PCDHGB1: variants seen among roughly 807,000 people sequenced by gnomAD.
PCDHGB1 encodes the protein protocadherin gamma subfamily B, 1, also known as protocadherin gamma-B1.
In PCDHGB1, 34 loss-of-function variants were observed where a neutral mutation model predicts 56.6. The observed-to-expected ratio is 0.60, with a 90% CI of 0.46 to 0.80. The LOEUF is 0.80. Ranked by LOEUF, PCDHGB1 falls within the 30% of genes least tolerant of loss-of-function variation. The pLI, the probability that PCDHGB1 is intolerant of heterozygous loss-of-function variation, is 0.00. For missense variants in PCDHGB1, 1,278 were observed against 1,204.6 expected (o/e 1.06, Z -0.90); for synonymous variants, 561 against 505.9 (o/e 1.11, Z -1.46).
intron 1 of PCDHGB1, chr5:141,419,893 TCCC>T (rs571839457): frequency 5.0e-5 from 81 of 1,613,960 alleles, no homozygotes; most frequent in Non-Finnish European, 6.5e-5. Context: ...TCAGCGACCA[TCCC>T]ACACCCTCTG....
chr5:141,371,771 G>T, intron 1 of PCDHGB1: 1 of 1,613,966 alleles, frequency 6.2e-7, no homozygotes, highest in Non-Finnish European at 8.5e-7. Flanking sequence ...CCTACACCGT[G>T]CATGTAGCTG....
intron 1 of PCDHGB1, chr5:141,389,559 C>T (rs1388057704): frequency 1.2e-6 from 2 of 1,613,274 alleles, no homozygotes; most frequent in East Asian, 2.2e-5. Flanking sequence ...CAATGCGCCA[C>T]GGGTGCTGTA....
intron 1 of PCDHGB1, chr5:141,394,693 G>C: frequency 1.2e-6 from 2 of 1,613,006 alleles, no homozygotes; most frequent in Non-Finnish European, 1.7e-6. Context: ...GGCGAGGTGC[G>C]CACGGCGCGA....
chr5:141,454,832 G>A (rs1311246854), intron 1 of PCDHGB1, among the ~76,000 whole-genome samples: 2 of 75,830 alleles, frequency 2.6e-5, no homozygotes, highest in African/African-American at 1.3e-4. Context: ...TTTTGAGACA[G>A]AGTCGCGCTC....
At chr5:141,427,770 C>T (rs775095791) in intron 1 of PCDHGB1, 2 of 1,399,194 alleles carry the variant, frequency 1.4e-6, no homozygotes, top group Non-Finnish European at 2.0e-6. Context: ...TGACTTGGAG[C>T]TGCGGGCACT....
rs777924092 is a variant in PCDHGB1 at position 141,487,482 on chromosome 5, A to T, written c.2410-7325A>T. The T allele has an allele frequency of 1.2e-6, 2 of 1,614,164 alleles. No individual in the cohort carries two copies. Among genetic ancestry groups the T allele is most frequent in the South Asian group, 2.2e-5 (2 of 91,086 alleles). ...TTTGTTGATGTGGGAGGCCACTCTCATGGCTGTACACCCTTGGCTTCTGCA... is the reference window on the plus strand; with the variant it reads ...TTTGTTGATGTGGGAGGCCACTCTCTTGGCTGTACACCCTTGGCTTCTGCA... On this transcript the variant is annotated intron_variant, in intron 1 of 3. Coordinates refer to ENST00000523390, the MANE Select transcript of PCDHGB1 (RefSeq NM_018922.3). The surrounding 1 kb of genome is among the most constrained non-coding windows in gnomAD (Gnocchi z 5.0).
rs57426385 is a variant in PCDHGB1 at position 141,415,740 on chromosome 5, G to GTTT, written c.2409+63101_2409+63103dup. ...TGAGTAGAATTTGATGTTTATTAAG[G>GTTT]TTTTTTTTTTTTTTTTTTTTTTTTT... On this transcript the variant is annotated intron_variant, in intron 1 of 3. Transcript: ENST00000523390. 6,178 of 620,014 alleles carry GTTT rather than the reference G, an allele frequency of 1.0e-2. 42 individuals are homozygous for GTTT. Among genetic ancestry groups the GTTT allele is most frequent in the South Asian group, 0.019 (660 of 34,340 alleles). The allele number at this position is 620,014 out of a possible 1,614,324, so 38.4% of individuals were successfully genotyped here. A position where few individuals can be genotyped will look rare whatever the true frequency, so the allele number is the denominator to read the frequency against.
At chr5:141,390,064 C>A in intron 1 of PCDHGB1, 3 of 1,614,058 alleles carry the variant, frequency 1.9e-6, no homozygotes, top group Middle Eastern at 3.3e-4. Context: ...TGCTTCCAGC[C>A]TGGTCTCTGT....
rs762414791 is a variant in PCDHGB1 at position 141,418,601 on chromosome 5, A to G, written c.2409+65932A>G. The G allele has an allele frequency of 3.5e-5, 57 of 1,613,930 alleles. No individual in the cohort carries two copies. The highest frequency in any genetic ancestry group is 1.7e-6 in the Non-Finnish European group (2 of 1,179,902). On this transcript the variant is annotated intron_variant, in intron 1 of 3. Coordinates refer to ENST00000523390, the MANE Select transcript of PCDHGB1 (RefSeq NM_018922.3). ...CCCAGTGTTCAGCCAGGACGTGTAC[A>G]GGGTTAGCCTTCGGGAAGACGTGCC...
chr5:141,468,348 A>C (rs962230735), intron 1 of PCDHGB1: 2 of 150,318 alleles, frequency 1.3e-5, no homozygotes, highest in African/African-American at 4.9e-5. Context: ...AAAAAAAAAA[A>C]AGAAAGAAAA....
At chr5:141,416,497 T>G (rs1426816820) in intron 1 of PCDHGB1, 3 of 152,116 alleles carry the variant, frequency 2.0e-5, no homozygotes, top group Non-Finnish European at 4.4e-5. Context: ...GAGCAAGAGA[T>G]ATATGACAAA....
At chr5:141,395,526 G>T in intron 1 of PCDHGB1, 4 of 357,898 alleles carry the variant, frequency 1.1e-5, no homozygotes, top group Admixed American at 4.6e-5. Context: ...GTCCATACTG[G>T]TAATTTTGCT....
intron 2 of PCDHGB1, among the ~76,000 whole-genome samples, chr5:141,499,112 A>G (rs550424495): frequency 6.6e-6 from 1 of 152,238 alleles, no homozygotes; most frequent in African/African-American, 2.4e-5. Context: ...CCCCACCACT[A>G]TCCCTTCTCA....
chr5:141,434,852 A>G (rs1382212982), intron 1 of PCDHGB1, among the ~76,000 whole-genome samples: 2 of 151,990 alleles, frequency 1.3e-5, no homozygotes, highest in Non-Finnish European at 2.9e-5. Context: ...AGACATCAAT[A>G]AATTTATATA....
chr5:141,432,991 C>G lies in PCDHGB1; in HGVS notation c.2410-61816C>G, dbSNP rs1269992849. ...CGGCGTCGCACTTTGTGGGCGTGGACGGGGTGCAGGCTTTCCTGCAGACCT... is the reference window on the plus strand; with the variant it reads ...CGGCGTCGCACTTTGTGGGCGTGGAGGGGGTGCAGGCTTTCCTGCAGACCT... On this transcript the variant is annotated intron_variant, in intron 1 of 3. Transcript: ENST00000523390. The surrounding 1 kb of genome is among the most constrained non-coding windows in gnomAD (Gnocchi z 6.0). The G allele has an allele frequency of 6.2e-7, 1 of 1,614,200 alleles. No homozygotes were observed. Among genetic ancestry groups the G allele is most frequent in the Admixed American group, 1.7e-5 (1 of 60,032 alleles).
At position 141,487,063 on chromosome 5, in the gene PCDHGB1, G is replaced by T; in HGVS notation, c.2410-7744G>T. The T allele has an allele frequency of 6.2e-7, 1 of 1,614,086 alleles. No homozygotes were observed. ...CTCGATATGCTGGGGAGGTGCGGACGGCTGTTCCTATCCCAGCTGACCTCC... is the reference window on the plus strand; with the variant it reads ...CTCGATATGCTGGGGAGGTGCGGACTGCTGTTCCTATCCCAGCTGACCTCC... On this transcript the variant is annotated intron_variant, in intron 1 of 3. Coordinates refer to ENST00000523390, the MANE Select transcript of PCDHGB1 (RefSeq NM_018922.3). The surrounding 1 kb of genome is among the most constrained non-coding windows in gnomAD (Gnocchi z 5.0).
intron 1 of PCDHGB1, among the ~76,000 whole-genome samples, chr5:141,456,843 A>G (rs2098891742): frequency 6.6e-6 from 1 of 152,030 alleles, no homozygotes. Context: ...GGCGCCTGTA[A>G]TCCCAGCTAA....
chr5:141,398,861 A>G, intron 1 of PCDHGB1: 1 of 1,613,990 alleles, frequency 6.2e-7, no homozygotes, highest in South Asian at 1.1e-5. Flanking sequence ...TTCAACCGAG[A>G]CGTGTACAGA....
chr5:141,491,802 G>C lies in PCDHGB1; in HGVS notation c.2410-3005G>C, dbSNP rs759587995. 1 of 1,497,480 alleles carries C rather than the reference G, an allele frequency of 6.7e-7. No homozygotes were observed. The highest frequency in any genetic ancestry group is 1.3e-5 in the South Asian group (1 of 74,938). The allele number at this position is 1,497,480 out of a possible 1,614,324, so 92.8% of individuals were successfully genotyped here. A position where few individuals can be genotyped will look rare whatever the true frequency, so the allele number is the denominator to read the frequency against. On this transcript the variant is annotated intron_variant, in intron 1 of 3. Coordinates refer to ENST00000523390, the MANE Select transcript of PCDHGB1 (RefSeq NM_018922.3). The surrounding 1 kb of genome is among the most constrained non-coding windows in gnomAD (Gnocchi z 6.9). ...ACTTGCATCCACTCCTCTCCGGCCG[G>C]CTTGGTCGCTGGCTGCGCTCCACCC...
Sources: gnomAD v4.1 joint callset for allele counts (sites outside exome capture counted in the v4.1 genomes callset) on GRCh38, gnomAD v4.1.1 for gene constraint, Gnocchi (gnomAD v3.1) non-coding constraint, MANE v1.5 for transcripts, NCBI Gene and HGNC (gene_info 2026-07-23, HGNC 2026-07-21) for gene names.